Variants in MACROH2A2 observed in about 807,000 individuals in gnomAD.
MACROH2A2 encodes macroH2A.2 histone.
In MACROH2A2, 6 loss-of-function variants were observed where a neutral mutation model predicts 37.6. The ratio of observed to expected loss-of-function variants is 0.16; its 90% CI spans 0.09 to 0.32. The LOEUF is 0.32. MACROH2A2 is among the 10% of genes least tolerant of loss of function. The pLI, the probability that MACROH2A2 is intolerant of heterozygous loss-of-function variation, is 1.00. For synonymous variants in MACROH2A2, 192 were observed against 202.7 expected (o/e 0.95, Z 0.45); for missense variants, 290 against 485.9 (o/e 0.60, Z 3.79).
chr10:70,090,269 C>T (rs1402173396), intron 3 of MACROH2A2, 103 bp downstream of exon 3: 1 of 727,404 alleles, frequency 1.4e-6, no homozygotes, highest in East Asian at 2.5e-5. Context: ...TTCCCAATTA[C>T]ATTTATACAA....
At chr10:70,090,466 C>G (rs2072237795) in intron 3 of MACROH2A2, among the ~76,000 whole-genome samples, 1 of 152,212 alleles carries the variant, frequency 6.6e-6, no homozygotes, top group Non-Finnish European at 1.5e-5. Flanking sequence ...TCTTCACTTT[C>G]TTCACCCAAA....
intron 2 of MACROH2A2, among the ~76,000 whole-genome samples, chr10:70,085,547 A>G (rs772348635): frequency 2.0e-5 from 3 of 152,188 alleles, no homozygotes; most frequent in Non-Finnish European, 4.4e-5. Context: ...GCTATTTCCC[A>G]TCTTCTGTGG....
intron 1 of MACROH2A2, among the ~76,000 whole-genome samples, chr10:70,065,171 C>T (rs1452171085): frequency 6.6e-6 from 1 of 151,882 alleles, no homozygotes; most frequent in African/African-American, 2.4e-5. Context: ...CTCAGCCTCT[C>T]GAGTAGCTGG....
At chr10:70,065,401 C>T (rs2072073792) in intron 1 of MACROH2A2, among the ~76,000 whole-genome samples, 1 of 151,976 alleles carries the variant, frequency 6.6e-6, no homozygotes, top group African/African-American at 2.4e-5. Flanking sequence ...TAAATACAAA[C>T]GCATAACCAA....
intron 2 of MACROH2A2, among the ~76,000 whole-genome samples, chr10:70,076,289 A>G (rs1456775296): frequency 6.6e-6 from 1 of 152,256 alleles, no homozygotes; most frequent in Admixed American, 6.5e-5. Context: ...AATAACATTT[A>G]TCGCATCATT....
intron 6 of MACROH2A2, among the ~76,000 whole-genome samples, chr10:70,097,807 G>A (rs2072283861): frequency 6.6e-6 from 1 of 152,146 alleles, no homozygotes; most frequent in South Asian, 2.1e-4. Context: ...TAAATGTCAA[G>A]TTTCTTAAAC....
intron 6 of MACROH2A2, chr10:70,099,385 A>G (rs1283464012): frequency 6.6e-6 from 1 of 152,186 alleles, no homozygotes; most frequent in Non-Finnish European, 1.5e-5. Context: ...AATAATGATG[A>G]TTCATAAAGA....
At chr10:70,099,804 T>C (rs2072296327) in intron 6 of MACROH2A2, among the ~76,000 whole-genome samples, 1 of 152,182 alleles carries the variant, frequency 6.6e-6, no homozygotes, top group South Asian at 2.1e-4. Flanking sequence ...CCTCTGTCTG[T>C]CCTTTGACTC....
chr10:70,065,202 T>C (rs979011410), intron 1 of MACROH2A2, among the ~76,000 whole-genome samples: 22 of 151,730 alleles, frequency 1.4e-4, no homozygotes, highest in Admixed American at 1.3e-3. Flanking sequence ...ACAGCCTCTC[T>C]AGTAGCTGGG....
At position 70,082,491 on chromosome 10, in the gene MACROH2A2, G is replaced by C. The variant is rs187523824; in HGVS notation, c.172+6661G>C. On this transcript the variant is annotated intron_variant, in intron 2 of 8. Coordinates refer to ENST00000373255, the MANE Select transcript of MACROH2A2 (RefSeq NM_018649.3). ...CGCAAACAGATATTTGTGCAACCAT[G>C]TTCTTAGCAGCATTTTTCACAGCAG... Among the ~76,000 whole-genome samples the C allele has an allele frequency of 1.2e-3, 190 of 152,208 alleles. 2 individuals are homozygous for C. Among genetic ancestry groups the C allele is most frequent in the African/African-American group, 4.3e-3 (180 of 41,524 alleles).
At chr10:70,093,981 T>C (rs2072260916) in intron 5 of MACROH2A2, 136 bp downstream of exon 5, 1 of 573,198 alleles carries the variant, frequency 1.7e-6, no homozygotes, top group Admixed American at 3.1e-5. Flanking sequence ...ATTTTTAAAC[T>C]AAAGAGCTGT....
intron 7 of MACROH2A2, among the ~76,000 whole-genome samples, chr10:70,103,573 A>G (rs1232577644): frequency 6.6e-6 from 1 of 152,204 alleles, no homozygotes; most frequent in Non-Finnish European, 1.5e-5. Flanking sequence ...ATTTAAGGAG[A>G]TCGTAGCTGA....
chr10:70,059,917 C>G (rs1375404865), intron 1 of MACROH2A2, among the ~76,000 whole-genome samples: 1 of 152,138 alleles, frequency 6.6e-6, no homozygotes, highest in Non-Finnish European at 1.5e-5. Context: ...AGTGGTAGCC[C>G]TTAGCTGAAG....
intron 2 of MACROH2A2, among the ~76,000 whole-genome samples, chr10:70,086,164 T>C (rs1302164427): frequency 1.3e-5 from 2 of 152,024 alleles, no homozygotes; most frequent in African/African-American, 4.8e-5. Flanking sequence ...GCCTGGCTAA[T>C]GATTAATGTT....
chr10:70,059,357 A>G lies in MACROH2A2; in HGVS notation c.-60+6357A>G, dbSNP rs537773202. ...GGACAGCTCCCCTTGCATCTGTTTT[A>G]TATATTAGAGTATAATTTCTTTTTT... On this transcript the variant is annotated intron_variant, in intron 1 of 8. Transcript: ENST00000373255. Among the ~76,000 whole-genome samples the G allele has an allele frequency of 9.9e-5, 15 of 150,764 alleles. No individual in the cohort carries two copies. In the Admixed American group the frequency reaches 1.0e-3, roughly 10 times the overall value.
chr10:70,100,390 G>A, intron 7 of MACROH2A2, 93 bp downstream of exon 7: 1 of 683,952 alleles, frequency 1.5e-6, no homozygotes, highest in South Asian at 1.9e-5. Context: ...TTCAGCTTAT[G>A]AGTCAAAGTA....
rs945817973 is a variant in MACROH2A2, at chr10:70,109,594, G to A, written c.953+387G>A. Among the ~76,000 whole-genome samples, 5 of 152,338 alleles carry A rather than the reference G, an allele frequency of 3.3e-5. No individual in the cohort carries two copies. In the South Asian group the frequency reaches 6.2e-4, roughly 19 times the overall value. On this transcript the variant is annotated intron_variant, in intron 8 of 8. Coordinates refer to ENST00000373255, the MANE Select transcript of MACROH2A2 (RefSeq NM_018649.3). ...CACATGATCAGAAAACGCCAGGCTC[G>A]AAGGCCTTGCTACTCAAAGTGTGGT...
Position 70,111,858 on chromosome 10 carries a change from G to C in MACROH2A2, c.*175G>C. ...CTCTCCTCCAAAAGAGCCTCCATCT[G>C]TAAGGAAGCAGGTCTCCGCGAGGGG... On this transcript the variant is annotated 3_prime_UTR_variant, in exon 9 of 9. Transcript: ENST00000373255. 4.5e-6 allele frequency: 2 copies of C among 441,198 alleles called. No individual in the cohort carries two copies. Among genetic ancestry groups the C allele is most frequent in the Non-Finnish European group, 7.9e-6 (2 of 254,678 alleles). 27.3% of individuals were successfully genotyped at this position (441,198 alleles called of 1,614,324 possible). A position where few individuals can be genotyped will look rare whatever the true frequency, so the allele number is the denominator to read the frequency against.
intron 7 of MACROH2A2, among the ~76,000 whole-genome samples, chr10:70,101,340 C>A (rs2136640818): frequency 1.3e-5 from 2 of 152,262 alleles, no homozygotes; most frequent in African/African-American, 4.8e-5. Flanking sequence ...TCTTTTAACT[C>A]AAGATACAAT....
Sources: gnomAD v4.1 joint callset for allele counts (sites outside exome capture counted in the v4.1 genomes callset) on GRCh38, gnomAD v4.1.1 for gene constraint, MANE v1.5 for transcripts, NCBI Gene and HGNC (gene_info 2026-07-23, HGNC 2026-07-21) for gene names.